PRKG1: variants seen among roughly 807,000 people sequenced by gnomAD.
PRKG1 encodes the protein protein kinase cGMP-dependent 1, also known as cGMP-dependent protein kinase 1.
Under a neutral mutation model 88.1 loss-of-function variants are expected in PRKG1, and 35 were observed. The ratio of observed to expected loss-of-function variants is 0.40; its 90% CI spans 0.30 to 0.53. The LOEUF (loss-of-function observed/expected upper bound fraction) is 0.53. PRKG1 is among the 20% of genes least tolerant of loss of function. The pLI, the probability that PRKG1 is intolerant of heterozygous loss-of-function variation, is 0.59. For synonymous variants in PRKG1, 303 were observed against 292.5 expected (o/e 1.04, Z -0.37); for missense variants, 540 against 839.8 (o/e 0.64, Z 4.41).
At chr10:51,143,870 T>C (rs1342057562) in intron 1 of PRKG1, among the ~76,000 whole-genome samples, 1 of 152,092 alleles carries the variant, frequency 6.6e-6, no homozygotes, top group East Asian at 1.9e-4. Flanking sequence ...ATTTTGGGTA[T>C]TAAACCCTGG....
chr10:52,292,794 A>G (rs1478595368), intron 17 of PRKG1, among the ~76,000 whole-genome samples: 4 of 151,930 alleles, frequency 2.6e-5, no homozygotes, highest in African/African-American at 9.7e-5. Flanking sequence ...ACAAACCCAC[A>G]GCCAATATCA....
At chr10:52,146,307 T>G (rs747071014) in intron 8 of PRKG1, among the ~76,000 whole-genome samples, 1 of 152,184 alleles carries the variant, frequency 6.6e-6, no homozygotes, top group Non-Finnish European at 1.5e-5. Flanking sequence ...CTGTTGATAA[T>G]TTCGTGTCCT....
At chr10:52,243,686 C>T (rs150572890) in intron 9 of PRKG1, among the ~76,000 whole-genome samples, 3,242 of 151,862 alleles carry the variant, frequency 0.021, 45 homozygotes, top group Middle Eastern at 0.031. Flanking sequence ...TACCCAGGTG[C>T]AAAATAGAAG....
chr10:51,912,861 T>A (rs963593257), intron 5 of PRKG1, among the ~76,000 whole-genome samples: 4 of 150,328 alleles, frequency 2.7e-5, no homozygotes, highest in African/African-American at 9.8e-5. Flanking sequence ...CAGGAATGAA[T>A]CTCTTTATTC....
At chr10:52,076,192 G>GA (rs2133295163) in intron 7 of PRKG1, among the ~76,000 whole-genome samples, 1 of 152,090 alleles carries the variant, frequency 6.6e-6, no homozygotes, top group Admixed American at 6.6e-5. Flanking sequence ...CAATCTTCAG[G>GA]AAAAAATAGA....
intron 5 of PRKG1, among the ~76,000 whole-genome samples, chr10:52,011,888 T>TA (rs1844891963): frequency 6.6e-6 from 1 of 152,158 alleles, no homozygotes; most frequent in Admixed American, 6.5e-5. Flanking sequence ...CTGATGGTTG[T>TA]AAAAATGGGA....
At chr10:51,845,819 C>T (rs1385261241) in intron 4 of PRKG1, among the ~76,000 whole-genome samples, 1 of 152,066 alleles carries the variant, frequency 6.6e-6, no homozygotes, top group Non-Finnish European at 1.5e-5. Context: ...CTTCAATATA[C>T]ATAATACTTT....
chr10:51,412,468 A>G (rs1588931887), intron 2 of PRKG1, among the ~76,000 whole-genome samples: 1 of 151,600 alleles, frequency 6.6e-6, no homozygotes, highest in Non-Finnish European at 1.5e-5. Flanking sequence ...CATGGTGAAA[A>G]CCCATCTCTA....
intron 5 of PRKG1, among the ~76,000 whole-genome samples, chr10:52,002,984 T>A (rs1350155337): frequency 1.3e-5 from 2 of 152,204 alleles, no homozygotes; most frequent in African/African-American, 4.8e-5. Context: ...TAGTGGTTAT[T>A]TGTTTATGAA....
chr10:51,727,094 T>C (rs377306072), intron 3 of PRKG1, among the ~76,000 whole-genome samples: 2 of 151,986 alleles, frequency 1.3e-5, no homozygotes, highest in East Asian at 3.9e-4. Context: ...TGACATATTT[T>C]TATGGACTTC....
chr10:51,448,299 T>C (rs1260949486), intron 2 of PRKG1, among the ~76,000 whole-genome samples: 31 of 151,974 alleles, frequency 2.0e-4, no homozygotes, highest in Admixed American at 2.0e-3. Flanking sequence ...TTCATCAAGT[T>C]GACATTCATG....
chr10:52,068,048 CA>C (rs1846399030), intron 7 of PRKG1, among the ~76,000 whole-genome samples: 1 of 137,566 alleles, frequency 7.3e-6, no homozygotes. Flanking sequence ...ACTAAAAATA[CA>C]AAAATCAGCC....
intron 4 of PRKG1, among the ~76,000 whole-genome samples, chr10:51,808,399 C>A (rs1218682641): frequency 6.6e-6 from 1 of 152,018 alleles, no homozygotes. Flanking sequence ...GAGTTTGAAA[C>A]CAGCTTGGTC....
chr10:51,161,395 T>C (rs1487174268), intron 2 of PRKG1, among the ~76,000 whole-genome samples: 1 of 152,196 alleles, frequency 6.6e-6, no homozygotes, highest in Non-Finnish European at 1.5e-5. Flanking sequence ...ACTCATCTGG[T>C]TAATACGTCC....
chr10:51,205,128 T>TTTTTTTTTTC (rs1838018465), intron 2 of PRKG1, among the ~76,000 whole-genome samples: 3 of 49,016 alleles, frequency 6.1e-5, no homozygotes, highest in Non-Finnish European at 1.1e-4. Context: ...TTTTCTTTTC[T>TTTTTTTTTTC]TTTTTTTTTT....
intron 4 of PRKG1, among the ~76,000 whole-genome samples, chr10:51,887,169 G>A (rs1841591513): frequency 6.6e-6 from 1 of 152,050 alleles, no homozygotes; most frequent in Non-Finnish European, 1.5e-5. Context: ...GTTTTTCGTA[G>A]AGACAGGGTT....
rs560053436 is a variant in PRKG1, at chr10:51,422,427, G to A, written c.479-45296G>A. ...GCATTGATTATTCACGTGTTTTCAT[G>A]GGCCAGTTGCCGGCCCCATCCCCTC... On this transcript the variant is annotated intron_variant, in intron 2 of 17. Transcript: ENST00000373980. Among the ~76,000 whole-genome samples the A allele has an allele frequency of 9.4e-4, 143 of 152,254 alleles. 2 individuals are homozygous for A. In the Middle Eastern group the frequency reaches 0.017, roughly 18 times the overall value.
chr10:51,909,415 C>G lies in PRKG1; in HGVS notation c.762+1845C>G, dbSNP rs141648599. 5.3e-5 allele frequency: 8 copies of G among 151,840 alleles called. No homozygotes were observed. The East Asian group carries it at 1.6e-3, about 30-fold the overall frequency. 9.4% of individuals were successfully genotyped at this position (151,840 alleles called of 1,614,324 possible). A position where few individuals can be genotyped will look rare whatever the true frequency, so the allele number is the denominator to read the frequency against. On this transcript the variant is annotated intron_variant, in intron 5 of 17. Transcript: ENST00000373980. ...AATTATTATAAAACCATGAATCGAT[C>G]TTAAAAACATCATGCCGAGAGAAAA...
chr10:51,300,071 A>AT (rs1840841103), intron 2 of PRKG1, among the ~76,000 whole-genome samples: 2 of 152,204 alleles, frequency 1.3e-5, no homozygotes, highest in Admixed American at 1.3e-4. Context: ...AAACTAAACC[A>AT]CAGTTGATTG....
Sources: allele counts gnomAD v4.1 joint callset (sites outside exome capture counted in the v4.1 genomes callset), GRCh38; gene constraint gnomAD v4.1.1; transcripts MANE v1.5; gene names NCBI Gene and HGNC (gene_info 2026-07-23, HGNC 2026-07-21).